The following COL10A1 variants were observed in gnomAD, a reference collection of about 807,000 sequenced individuals.
COL10A1 encodes collagen alpha-1(X) chain.
A neutral mutation model predicts 18.2 loss-of-function variants in COL10A1; 10 were observed. The observed-to-expected ratio is 0.55, with a 90% CI of 0.34 to 0.93. COL10A1 has a LOEUF of 0.93. Ranked by LOEUF, COL10A1 falls within the 40% of genes least tolerant of loss-of-function variation. The pLI is 0.02. For synonymous variants in COL10A1, 330 were observed against 316.6 expected (o/e 1.04, Z -0.45); for missense variants, 897 against 853.5 (o/e 1.05, Z -0.64).
the COL10A1 span, among the ~76,000 whole-genome samples, chr6:116,165,294 G>T: frequency 6.6e-6 from 1 of 152,020 alleles, no homozygotes; most frequent in East Asian, 1.9e-4. Flanking sequence ...ACCTTGGATA[G>T]TCTGATAACT....
the COL10A1 span, among the ~76,000 whole-genome samples, chr6:116,195,940 A>T: frequency 6.6e-6 from 1 of 152,050 alleles, no homozygotes; most frequent in Non-Finnish European, 1.5e-5. Flanking sequence ...TCCTGCCTCT[A>T]ACCATATTTG....
chr6:116,207,346 T>C, the COL10A1 span, among the ~76,000 whole-genome samples: 2 of 135,690 alleles, frequency 1.5e-5, no homozygotes, highest in African/African-American at 2.8e-5. Context: ...TATGGTGGAC[T>C]TAATGTATTC....
chr6:116,191,447 A>G, the COL10A1 span, among the ~76,000 whole-genome samples: 3 of 152,102 alleles, frequency 2.0e-5, no homozygotes, highest in African/African-American at 7.2e-5. Context: ...AAAATGTTTT[A>G]CAGTGTAAGA....
chr6:116,155,114 A>G (rs1780153376), intron 1 of COL10A1, among the ~76,000 whole-genome samples: 1 of 152,158 alleles, frequency 6.6e-6, no homozygotes. Flanking sequence ...ATTACTTTCA[A>G]TGGCAAAGTA....
the COL10A1 span, among the ~76,000 whole-genome samples, chr6:116,204,583 G>A: frequency 1.1e-4 from 17 of 151,952 alleles, no homozygotes; most frequent in East Asian, 2.5e-3. Context: ...GATTAGAAAC[G>A]CAGATATGCA....
At chr6:116,149,927 C>T (rs986416140) in intron 1 of COL10A1, among the ~76,000 whole-genome samples, 6 of 152,326 alleles carry the variant, frequency 3.9e-5, no homozygotes, top group African/African-American at 1.4e-4. Context: ...TTCCCCCACT[C>T]ACAGGTAGGT....
At chr6:116,166,482 T>A in the COL10A1 span, among the ~76,000 whole-genome samples, 3 of 152,222 alleles carry the variant, frequency 2.0e-5, no homozygotes, top group Non-Finnish European at 4.4e-5. Context: ...GTAAATGGTA[T>A]TGGGAATAGT....
At chr6:116,167,253 G>A in the COL10A1 span, among the ~76,000 whole-genome samples, 9 of 117,130 alleles carry the variant, frequency 7.7e-5, no homozygotes, top group African/African-American at 2.8e-4. Flanking sequence ...TTGTTCTGTC[G>A]CCAGGCTGGA....
At chr6:116,155,019 G>A (rs1582839760) in intron 1 of COL10A1, among the ~76,000 whole-genome samples, 1 of 152,110 alleles carries the variant, frequency 6.6e-6, no homozygotes, top group South Asian at 2.1e-4. Context: ...AAATGAGGCT[G>A]GTATAACAGA....
At chr6:116,195,203 T>C in the COL10A1 span, among the ~76,000 whole-genome samples, 1 of 152,088 alleles carries the variant, frequency 6.6e-6, no homozygotes, top group African/African-American at 2.4e-5. Flanking sequence ...ACTGAAGTTA[T>C]AATATAGGCA....
At chr6:116,132,224 C>T (rs1779485956) in intron 1 of COL10A1, among the ~76,000 whole-genome samples, 1 of 152,112 alleles carries the variant, frequency 6.6e-6, no homozygotes, top group Non-Finnish European at 1.5e-5. Flanking sequence ...GCATCACCAA[C>T]AGGATATGTT....
At chr6:116,163,141 A>AAAATATATATATATATAT (rs761718922), upstream of COL10A1, among the ~76,000 whole-genome samples, 8 of 88,400 alleles carry the variant, frequency 9.0e-5, no homozygotes, top group African/African-American at 4.0e-4. Flanking sequence ...AAAAAAAAAA[A>AAAATATATATATATATAT]ATATATATAT....
At chr6:116,125,304 CTTG>C in intron 2 of COL10A1, 32 bp downstream of exon 2, 1 of 1,605,786 alleles carries the variant, frequency 6.2e-7, no homozygotes, top group Non-Finnish European at 8.5e-7. Context: ...CAACAAGCAA[CTTG>C]TTAATAGAAC....
intron 1 of COL10A1, among the ~76,000 whole-genome samples, chr6:116,138,776 A>C (rs1391820196): frequency 3.3e-5 from 5 of 152,138 alleles, no homozygotes; most frequent in African/African-American, 1.2e-4. Flanking sequence ...TTTGTATAGA[A>C]TTGTATATTT....
chr6:116,163,141 A>AAAAAAAAATATATAT (rs761718922), upstream of COL10A1, among the ~76,000 whole-genome samples: 23 of 88,398 alleles, frequency 2.6e-4, 1 homozygote, highest in African/African-American at 1.3e-3. Flanking sequence ...AAAAAAAAAA[A>AAAAAAAAATATATAT]ATATATATAT....
At chr6:116,137,785 G>C (rs540919572) in intron 1 of COL10A1, among the ~76,000 whole-genome samples, 1 of 152,224 alleles carries the variant, frequency 6.6e-6, no homozygotes, top group South Asian at 2.1e-4. Context: ...GAATCTATTA[G>C]AAAATGCCCA....
At chr6:116,148,665 TAAC>T (rs1779956935) in intron 1 of COL10A1, among the ~76,000 whole-genome samples, 1 of 152,214 alleles carries the variant, frequency 6.6e-6, no homozygotes, top group Non-Finnish European at 1.5e-5. Context: ...ATGGTTTATA[TAAC>T]AACGTCATTA....
intron 1 of COL10A1, among the ~76,000 whole-genome samples, chr6:116,133,183 C>A (rs1229880986): frequency 2.0e-5 from 3 of 152,106 alleles, no homozygotes; most frequent in Non-Finnish European, 4.4e-5. Flanking sequence ...TCCATAGTAA[C>A]CCAGCTGAGT....
rs372803411 is a variant in COL10A1 at position 116,155,410 on chromosome 6, T to C, written c.-16+3204A>G. On this transcript the variant is annotated intron_variant, in intron 1 of 1. Coordinates refer to the COL10A1 transcript ENST00000418500. ...GCCAACACAAACATCTCTTTTGGAATTCAGTGGCCACTTTCTGGGTGCTCT... is the reference window on the plus strand; with the variant it reads ...GCCAACACAAACATCTCTTTTGGAACTCAGTGGCCACTTTCTGGGTGCTCT... 5.0e-4 allele frequency among the ~76,000 whole-genome samples: 76 copies of C among 152,268 alleles called. 1 individual carries two copies. The highest frequency in any genetic ancestry group is 3.4e-3 in the Middle Eastern group (1 of 294).
Sources: gnomAD v4.1 joint callset for allele counts (sites outside exome capture counted in the v4.1 genomes callset) on GRCh38, gnomAD v4.1.1 for gene constraint, MANE v1.5 for transcripts, NCBI Gene and HGNC (gene_info 2026-07-23, HGNC 2026-07-21) for gene names.